ZDHHC19: variants seen among roughly 807,000 people sequenced by gnomAD.
ZDHHC19 encodes zDHHC palmitoyltransferase 19.
ZDHHC19 carries 30 observed loss-of-function variants against 33.9 expected under a neutral mutation model. That is an observed-to-expected ratio of 0.88 (90% CI 0.66 to 1.20). The LOEUF is 1.20. ZDHHC19 is among the 50% of genes most tolerant of loss of function. ZDHHC19 has a pLI of 0.00. For synonymous variants in ZDHHC19, 178 were observed against 167.6 expected (o/e 1.06, Z -0.48); for missense variants, 364 against 401.1 (o/e 0.91, Z 0.79).
rs959285136 is a variant in ZDHHC19, at chr3:196,203,136, C to T, written c.687+4262G>A. ...ATCAGGTGGGCATGGTGACGTGCAC[C>T]TGTAATTCCAGCTACTCGGGAGGCT... is the stretch of plus-strand genomic sequence containing the variant. On this transcript the variant is annotated intron_variant, in intron 5 of 7. Transcript: ENST00000296326. The surrounding 1 kb of genome is among the most constrained non-coding windows in gnomAD (Gnocchi z 4.3). 6.6e-6 allele frequency among the ~76,000 whole-genome samples: 1 copy of T among 151,966 alleles called. No homozygotes were observed. Among genetic ancestry groups the T allele is most frequent in the African/African-American group, 2.4e-5 (1 of 41,348 alleles).
intron 7 of ZDHHC19, 82 bp downstream of exon 7, chr3:196,198,194 G>C: frequency 7.6e-7 from 1 of 1,310,528 alleles, no homozygotes; most frequent in Non-Finnish European, 9.9e-7. Context: ...CAAACCTCAG[G>C]GGCCTCCCCC....
rs1406919648 is a variant in ZDHHC19, at chr3:196,198,898, G to A, written c.688-24C>T. The A allele has an allele frequency of 1.9e-5, 31 of 1,610,164 alleles. No individual in the cohort carries two copies. In the East Asian group the frequency reaches 6.9e-4, roughly 36 times the overall value. On this transcript the variant is annotated intron_variant, in intron 5 of 7. Transcript: ENST00000296326. ...CACTGGTCGGGGATGGAAACCGGAA[G>A]AGGAGCTCAGAACCAGCAGGAATGG...
At chr3:196,205,126 A>T (rs1325945491) in intron 5 of ZDHHC19, among the ~76,000 whole-genome samples, 1 of 152,124 alleles carries the variant, frequency 6.6e-6, no homozygotes, top group Admixed American at 6.5e-5. Flanking sequence ...ACAAAAAACC[A>T]CATTCAATTA....
At chr3:196,210,530 C>A in intron 2 of ZDHHC19, 86 bp downstream of exon 2, 1 of 1,580,492 alleles carries the variant, frequency 6.3e-7, no homozygotes, top group African/African-American at 1.3e-5. Context: ...GGAGGAGGGT[C>A]AGTAGGAAGA....
intron 6 of ZDHHC19, 126 bp downstream of exon 6, chr3:196,198,663 G>C: frequency 5.1e-6 from 8 of 1,578,386 alleles, no homozygotes; most frequent in Non-Finnish European, 6.9e-6. Flanking sequence ...CAGTGCCCTG[G>C]AGAAAACCCC....
chr3:196,209,709 G>A (rs2108741296), intron 2 of ZDHHC19, among the ~76,000 whole-genome samples, 194 bp from the exon 3 acceptor site: 1 of 152,234 alleles, frequency 6.6e-6, no homozygotes, highest in East Asian at 1.9e-4. Flanking sequence ...AGCCAGGAGA[G>A]TTTTGTATGA....
rs1261214088 is a variant in ZDHHC19 at position 196,203,176 on chromosome 3, G to A, written c.687+4222C>T. Among the ~76,000 whole-genome samples the A allele has an allele frequency of 1.3e-5, 2 of 151,778 alleles. No homozygotes were observed. The highest frequency in any genetic ancestry group is 6.6e-5 in the Admixed American group (1 of 15,220). ...CTCGGGAGGCTGAGGCAGGAGAATC[G>A]CTTGAACCCAGGAGGCCAAGATCAC... On this transcript the variant is annotated intron_variant, in intron 5 of 7. Transcript: ENST00000296326. This position sits in a 1 kb window ranked among gnomAD's most constrained non-coding sequence, Gnocchi z 4.3.
chr3:196,206,679 C>CTTT (rs10578928), intron 5 of ZDHHC19, among the ~76,000 whole-genome samples: 2 of 112,756 alleles, frequency 1.8e-5, no homozygotes, highest in South Asian at 3.0e-4. Flanking sequence ...CTTTTCTTTT[C>CTTT]TTTTTTTTTT....
Position 196,210,441 on chromosome 3 carries a change from AAAG to A in ZDHHC19, c.268+172_268+174del, listed in dbSNP as rs369734268. Among the ~76,000 whole-genome samples, 269 of 104,516 alleles carry A rather than the reference AAAG, an allele frequency of 2.6e-3. 10 individuals carry two copies. The highest frequency in any genetic ancestry group is 8.4e-3 in the African/African-American group (206 of 24,402). The allele number at this position is 104,516 out of a possible 152,430, so 68.6% of individuals were successfully genotyped here. A position where few individuals can be genotyped will look rare whatever the true frequency, so the allele number is the denominator to read the frequency against. On this transcript the variant is annotated intron_variant, in intron 2 of 7. Transcript: ENST00000296326. ...AGGAAGGAAAGAAAGAAAGAGAAAGAAAGAAAGAAAAGAGAAGAGAAGAAAGAG... is the reference window on the plus strand; with the variant it reads ...AGGAAGGAAAGAAAGAAAGAGAAAGAAAAGAAAAGAGAAGAGAAGAAAGAG...
chr3:196,210,831 T>G, intron 1 of ZDHHC19, 94 bp from the exon 2 acceptor site: 1 of 1,487,842 alleles, frequency 6.7e-7, no homozygotes, highest in Non-Finnish European at 9.0e-7. Flanking sequence ...CCACAGACCT[T>G]CAAGCCAGAT....
intron 7 of ZDHHC19, 54 bp downstream of exon 7, chr3:196,198,222 C>G: frequency 7.1e-7 from 1 of 1,411,030 alleles, no homozygotes; most frequent in Non-Finnish European, 9.3e-7. Flanking sequence ...TCACAACCTG[C>G]AGACACCCCC....
At chr3:196,208,640 C>T (rs1382570046) in intron 3 of ZDHHC19, 80 bp from the exon 4 acceptor site, 1 of 1,511,308 alleles carries the variant, frequency 6.6e-7, no homozygotes, top group Non-Finnish European at 8.9e-7. Flanking sequence ...TGAGGCCCTC[C>T]CCCTGCCTTC....
chr3:196,200,715 C>A (rs1207442023), intron 5 of ZDHHC19, among the ~76,000 whole-genome samples: 1 of 143,898 alleles, frequency 6.9e-6, no homozygotes, highest in Admixed American at 7.1e-5. Flanking sequence ...GTGCAGTGAT[C>A]ATAGGTCCTC....
At chr3:196,210,264 A>AG (rs1723120206) in intron 2 of ZDHHC19, among the ~76,000 whole-genome samples, 12 of 100,792 alleles carry the variant, frequency 1.2e-4, no homozygotes, top group South Asian at 3.7e-4. Context: ...AGAAAGAAAG[A>AG]AAAGAGAAAG....
intron 7 of ZDHHC19, among the ~76,000 whole-genome samples, chr3:196,198,039 G>A (rs1721932090): frequency 6.6e-6 from 1 of 152,122 alleles, no homozygotes; most frequent in South Asian, 2.1e-4. Flanking sequence ...ATCAGCACAT[G>A]TAGTGGGGGA....
chr3:196,206,389 C>T (rs1026262200), intron 5 of ZDHHC19, among the ~76,000 whole-genome samples: 3 of 152,026 alleles, frequency 2.0e-5, no homozygotes, highest in Admixed American at 6.6e-5. Flanking sequence ...TGCTCTATTG[C>T]CCAGGCTGGA....
chr3:196,211,087 A>G, intron 1 of ZDHHC19, 83 bp downstream of exon 1: 1 of 1,602,394 alleles, frequency 6.2e-7, no homozygotes, highest in Non-Finnish European at 8.5e-7. Context: ...GGTCTTCTGC[A>G]CTCCCCTGCC....
intron 4 of ZDHHC19, among the ~76,000 whole-genome samples, 172 bp from the exon 5 acceptor site, chr3:196,207,675 CCCCGCCCCGCCCCCGGACG>C: frequency 1.5e-4 from 1 of 6,720 alleles, no homozygotes; most frequent in African/African-American, 9.0e-4. Flanking sequence ...CCGCCCCGAG[CCCCGCCCCGCCCCCGGACG>C]CCCGCCCCTC....
chr3:196,208,915 T>C, intron 3 of ZDHHC19: 2 of 300,096 alleles, frequency 6.7e-6, no homozygotes, highest in Non-Finnish European at 1.3e-5. Flanking sequence ...GTAACACCCT[T>C]GCCCAGCCAG....
Sources: allele counts gnomAD v4.1 joint callset (sites outside exome capture counted in the v4.1 genomes callset), GRCh38; gene constraint gnomAD v4.1.1; non-coding constraint Gnocchi (gnomAD v3.1); transcripts MANE v1.5; gene names NCBI Gene and HGNC (gene_info 2026-07-23, HGNC 2026-07-21).